Variants in ARMC1 observed in about 807,000 individuals in gnomAD.
The protein encoded by ARMC1 is armadillo repeat-containing protein 1.
ARMC1 carries 16 observed loss-of-function variants against 31.4 expected under a neutral mutation model. The observed-to-expected ratio is 0.51, with a 90% CI of 0.34 to 0.77. The LOEUF is 0.77. Among genes scored for constraint, ARMC1 ranks in the 30% least tolerant of loss-of-function variants. The pLI, the probability that ARMC1 is intolerant of heterozygous loss-of-function variation, is 0.01. For missense variants in ARMC1, 259 were observed against 347.5 expected (o/e 0.75, Z 2.02); for synonymous variants, 114 against 118.9 (o/e 0.96, Z 0.27).
At position 65,603,852 on chromosome 8, in the gene ARMC1, G is replaced by T. The variant is rs75653646; in HGVS notation, c.*542C>A. 0.027 allele frequency: 4,193 copies of T among 152,738 alleles called. 133 individuals are homozygous for T. The highest frequency in any genetic ancestry group is 0.078 in the African/African-American group (3,243 of 41,518). 9.5% of individuals were successfully genotyped at this position (152,738 alleles called of 1,614,324 possible). On this transcript the variant is annotated 3_prime_UTR_variant, in exon 7 of 7. Transcript: ENST00000276569. ...GTTTTTAATCTGCAAAATGTCATTA[G>T]TAATGTCCTTTCTATAAACACGGTT...
chr8:65,626,788 A>C (rs1373772583), intron 2 of ARMC1, among the ~76,000 whole-genome samples: 1 of 152,174 alleles, frequency 6.6e-6, no homozygotes, highest in Non-Finnish European at 1.5e-5. Context: ...TGGGAGGCCA[A>C]AGTGGAAGGA....
intron 3 of ARMC1, among the ~76,000 whole-genome samples, chr8:65,617,025 G>A (rs1302908838): frequency 6.6e-6 from 1 of 150,730 alleles, no homozygotes; most frequent in Non-Finnish European, 1.5e-5. Context: ...CGCCCGGCCA[G>A]CCACCCCGTC....
At chr8:65,628,345 G>A (rs960816925) in intron 1 of ARMC1, among the ~76,000 whole-genome samples, 8 of 148,994 alleles carry the variant, frequency 5.4e-5, no homozygotes, top group South Asian at 4.3e-4. Flanking sequence ...TCCGCCTCCC[G>A]GTTCAAGCAA....
At chr8:65,608,593 T>C (rs977669396) in intron 4 of ARMC1, among the ~76,000 whole-genome samples, 3 of 152,082 alleles carry the variant, frequency 2.0e-5, no homozygotes, top group Non-Finnish European at 4.4e-5. Context: ...TAAAGTTACA[T>C]AGGTAGAGTA....
intron 4 of ARMC1, among the ~76,000 whole-genome samples, chr8:65,606,514 C>CA (rs2129040821): frequency 6.6e-6 from 1 of 152,274 alleles, no homozygotes; most frequent in Admixed American, 6.5e-5. Flanking sequence ...TTACAAATAT[C>CA]ACTGCATCAT....
chr8:65,630,750 C>T (rs1044487166), intron 1 of ARMC1, among the ~76,000 whole-genome samples: 37 of 151,538 alleles, frequency 2.4e-4, no homozygotes, highest in African/African-American at 9.0e-4. Context: ...ACCCGGGAGG[C>T]GGAGGTTGCA....
In ARMC1 at chr8:65,627,333, C is replaced by T. The variant is rs765689111; in HGVS notation, c.66G>A (p.Arg22=). 7.4e-6 allele frequency: 12 copies of T among 1,613,262 alleles called. No individual in the cohort carries two copies. The South Asian group carries it at 1.3e-4, about 18-fold the overall frequency. ...TGTTTAACGGATCTGCTGCTAGATCCCGTAACTGGTTAACTACCGATAGAG... is the reference window on the plus strand; with the variant it reads ...TGTTTAACGGATCTGCTGCTAGATCTCGTAACTGGTTAACTACCGATAGAG... ...PDALSVVNQL[R]DLAADPLNRR... The change falls in exon 2 of 7, where the codon CGG becomes CGA. Residue 22 remains arginine (R), a synonymous_variant. Transcript: ENST00000276569.
At chr8:65,627,886 C>A (rs981212438) in intron 1 of ARMC1, among the ~76,000 whole-genome samples, 1 of 152,072 alleles carries the variant, frequency 6.6e-6, no homozygotes, top group African/African-American at 2.4e-5. Flanking sequence ...ACTCTGTCTA[C>A]AAAGAATAAA....
Position 65,628,794 on chromosome 8 carries a change from T to C in ARMC1, c.-35-1361A>G, listed in dbSNP as rs572414742. Among the ~76,000 whole-genome samples, 8 of 150,170 alleles carry C rather than the reference T, an allele frequency of 5.3e-5. No individual in the cohort carries two copies. In the East Asian group the frequency reaches 1.2e-3, roughly 23 times the overall value. On this transcript the variant is annotated intron_variant, in intron 1 of 6. Transcript: ENST00000276569. ...ATTTATTAAAGCCAGGAGGCAGAGATTGCAGTGAGCTGAGATTGTGCCACT... is the reference window on the plus strand; with the variant it reads ...ATTTATTAAAGCCAGGAGGCAGAGACTGCAGTGAGCTGAGATTGTGCCACT...
intron 2 of ARMC1, among the ~76,000 whole-genome samples, chr8:65,624,840 G>A (rs1808481449): frequency 6.6e-6 from 1 of 152,122 alleles, no homozygotes; most frequent in Non-Finnish European, 1.5e-5. Flanking sequence ...ACACCCAATG[G>A]CCAGGCATGG....
chr8:65,613,828 C>T (rs1169858711), intron 3 of ARMC1, among the ~76,000 whole-genome samples: 6 of 152,076 alleles, frequency 3.9e-5, no homozygotes, highest in South Asian at 2.1e-4. Flanking sequence ...GGTGTGGTGG[C>T]GCATGCCTGT....
At chr8:65,608,532 AG>A (rs747724823) in intron 4 of ARMC1, among the ~76,000 whole-genome samples, 7 of 152,108 alleles carry the variant, frequency 4.6e-5, no homozygotes, top group Non-Finnish European at 1.0e-4. Context: ...GTCTCGAAAA[AG>A]AGTTCAATTC....
At chr8:65,629,984 A>C (rs1213769613) in intron 1 of ARMC1, among the ~76,000 whole-genome samples, 1 of 151,932 alleles carries the variant, frequency 6.6e-6, no homozygotes, top group Non-Finnish European at 1.5e-5. Context: ...ATCTCTACTA[A>C]AAATACAAAA....
At chr8:65,632,169 T>C (rs1808659723) in intron 1 of ARMC1, among the ~76,000 whole-genome samples, 1 of 152,136 alleles carries the variant, frequency 6.6e-6, no homozygotes, top group African/African-American at 2.4e-5. Flanking sequence ...CCAGGTACCA[T>C]GGCTCAGGCC....
At chr8:65,620,892 C>G (rs897487156) in intron 3 of ARMC1, among the ~76,000 whole-genome samples, 1 of 151,620 alleles carries the variant, frequency 6.6e-6, no homozygotes, top group African/African-American at 2.4e-5. Context: ...TGCTTGATCC[C>G]AGGACAGCAG....
Position 65,634,148 on chromosome 8 carries a change from A to G in ARMC1, c.-186T>C, listed in dbSNP as rs1035040561. ...CAACCGGACTAACTCAGGGAGCCAA[A>G]GAGCGAAGGCGCTGGCGGGCAAAGG... On this transcript the variant is annotated 5_prime_UTR_variant, in exon 1 of 7. Transcript: ENST00000276569. The G allele has an allele frequency of 6.6e-6, 1 of 152,332 alleles. No individual in the cohort carries two copies. The highest frequency in any genetic ancestry group is 1.5e-5 in the Non-Finnish European group (1 of 68,106). 9.4% of individuals were successfully genotyped at this position (152,332 alleles called of 1,614,324 possible).
chr8:65,604,464 G>A lies in ARMC1; in HGVS notation c.779C>T (p.Ser260Leu), dbSNP rs1807958292. ...CCAGCTAGCTCCACCTTCTGGGTGTGAGCCGACCCGGGACACCGCTTTGTC... is the reference window on the plus strand; with the variant it reads ...CCAGCTAGCTCCACCTTCTGGGTGTAAGCCGACCCGGGACACCGCTTTGTC... ...EQDKAVSRVG[S>L]HPEGGASWLS... Residue 260 changes from serine (S) to leucine (L), a missense_variant, in exon 7 of 7, where the codon TCA (serine) becomes TTA (leucine). This residue lies in a region of ARMC1 where 73 missense variants were observed against 100.0 expected (regional missense o/e 0.73). Transcript: ENST00000276569. 1 of 1,614,158 alleles carries A rather than the reference G, an allele frequency of 6.2e-7. No individual in the cohort carries two copies. The highest frequency in any genetic ancestry group is 8.5e-7 in the Non-Finnish European group (1 of 1,180,026).
Position 65,629,555 on chromosome 8 carries a change from CTT to C in ARMC1, c.-35-2124_-35-2123del, listed in dbSNP as rs202043431. ...GTGGCTCACACCTATAATCCCAGCA[CTT>C]TGGGAGGCCAAGGCAGGCGGATCAT... On this transcript the variant is annotated intron_variant, in intron 1 of 6. Coordinates refer to ENST00000276569, the MANE Select transcript of ARMC1 (RefSeq NM_018120.6). 9.7e-3 allele frequency among the ~76,000 whole-genome samples: 1,483 copies of C among 152,208 alleles called. 17 individuals are homozygous for C. The highest frequency in any genetic ancestry group is 0.034 in the Middle Eastern group (10 of 294).
At chr8:65,627,073 C>T in intron 2 of ARMC1, 143 bp downstream of exon 2, 1 of 667,422 alleles carries the variant, frequency 1.5e-6, no homozygotes, top group Non-Finnish European at 2.5e-6. Flanking sequence ...ACAGACCACA[C>T]ATACATATGT....
Sources: allele counts gnomAD v4.1 joint callset (sites outside exome capture counted in the v4.1 genomes callset), GRCh38; gene constraint gnomAD v4.1.1; regional missense constraint gnomAD v4.1.1; transcripts MANE v1.5; gene names NCBI Gene and HGNC (gene_info 2026-07-23, HGNC 2026-07-21).